RNF39: variants seen among roughly 807,000 people sequenced by gnomAD.
RNF39 encodes the protein ring finger protein 39, also known as LTP (long-term potentiation) induced RING finger protein.
In RNF39, 25 loss-of-function variants were observed where a neutral mutation model predicts 29.2. That is an observed-to-expected ratio of 0.86 (90% CI 0.62 to 1.20). RNF39 has a LOEUF of 1.20. RNF39 is among the 50% of genes most tolerant of loss of function. RNF39 has a pLI of 0.00. For missense variants in RNF39, 519 were observed against 515.0 expected (o/e 1.01, Z -0.08); for synonymous variants, 219 against 229.0 (o/e 0.96, Z 0.40).
chr6:30,073,383 G>T lies in RNF39; in HGVS notation c.386+73C>A, dbSNP rs141338325. The T allele has an allele frequency of 3.3e-4, 525 of 1,595,894 alleles. 1 individual carries two copies. Among genetic ancestry groups the T allele is most frequent in the African/African-American group, 2.0e-3 (150 of 74,624 alleles). On this transcript the variant is annotated intron_variant, in intron 2 of 3. Coordinates refer to ENST00000244360, the MANE Select transcript of RNF39 (RefSeq NM_025236.4). ...AACCTGCCTATTAATGGGAACAAAG[G>T]TGTGGGCCCAGTGAGAACGTGATGG...
rs563902274 is a variant in RNF39 at position 30,072,588 on chromosome 6, G to C, written c.478+569C>G. ...ATCTGTTGTTTGAATGTATGAAAAA[G>C]GAAGAGGGAAAATGGCTGGAATATG... On this transcript the variant is annotated intron_variant, in intron 3 of 3. Transcript: ENST00000244360. This position sits in a 1 kb window ranked among gnomAD's most constrained non-coding sequence, Gnocchi z 4.5. Among the ~76,000 whole-genome samples the C allele has an allele frequency of 6.6e-6, 1 of 152,178 alleles. No homozygotes were observed. The highest frequency in any genetic ancestry group is 1.9e-4 in the East Asian group (1 of 5,176).
Position 30,071,362 on chromosome 6 carries a change from C to CCACGGCCCA in RNF39, c.799_807dup (p.Trp267_Val269dup). 6.8e-7 allele frequency: 1 copy of CCACGGCCCA among 1,466,820 alleles called. No individual in the cohort carries two copies. The highest frequency in any genetic ancestry group is 8.9e-7 in the Non-Finnish European group (1 of 1,117,510). The allele number at this position is 1,466,820 out of a possible 1,614,324, so 90.9% of individuals were successfully genotyped here. On this transcript the variant is annotated inframe_insertion, in exon 4 of 4. Coordinates refer to ENST00000244360, the MANE Select transcript of RNF39 (RefSeq NM_025236.4). The surrounding 1 kb of genome is among the most constrained non-coding windows in gnomAD (Gnocchi z 5.0). ...GCCCACAGGCGGCCGCCGCGGCCCT[C>CCACGGCCCA]CACGGCCCACACGGCCCCCGCAGGG...
Position 30,071,965 on chromosome 6 carries a change from AAAT to A in RNF39, c.479-277_479-275del, listed in dbSNP as rs1766026539. On this transcript the variant is annotated intron_variant, in intron 3 of 3. Coordinates refer to ENST00000244360, the MANE Select transcript of RNF39 (RefSeq NM_025236.4). This position sits in a 1 kb window ranked among gnomAD's most constrained non-coding sequence, Gnocchi z 5.0. ...GTGCAGGGAGCACAGCAGGAAGATCAAATGAGAGGTTGTCTCGTTTGTGGGGTT... is the reference window on the plus strand; with the variant it reads ...GTGCAGGGAGCACAGCAGGAAGATCAGAGAGGTTGTCTCGTTTGTGGGGTT... Among the ~76,000 whole-genome samples the A allele has an allele frequency of 6.6e-6, 1 of 152,204 alleles. No homozygotes were observed. Among genetic ancestry groups the A allele is most frequent in the Admixed American group, 6.5e-5 (1 of 15,282 alleles).
chr6:30,071,187 A>C lies in RNF39; in HGVS notation c.983T>G (p.Leu328Arg). The stretch of plus-strand genomic sequence containing the variant: ...GAACAGCGGGAAGATGCGCTCCCCC[A>C]GGGGGCCAGGCGCCTGGAAGGCGTA... ...LLYAFQAPGP[L>R]GERIFPLFCT... The change falls in exon 4 of 4, where the codon CTG becomes CGG. Residue 328 changes from leucine (L) to arginine (R), a missense_variant. Transcript: ENST00000244360. The surrounding 1 kb of genome is among the most constrained non-coding windows in gnomAD (Gnocchi z 5.0). 1.3e-6 allele frequency: 2 copies of C among 1,521,656 alleles called. No homozygotes were observed. Among genetic ancestry groups the C allele is most frequent in the African/African-American group, 1.4e-5 (1 of 72,058 alleles). 94.3% of individuals were successfully genotyped at this position (1,521,656 alleles called of 1,614,324 possible). A position where few individuals can be genotyped will look rare whatever the true frequency, so the allele number is the denominator to read the frequency against.
rs571062694 is a variant in RNF39 at position 30,071,557 on chromosome 6, C to G, written c.613G>C (p.Val205Leu). The stretch of plus-strand genomic sequence containing the variant: ...GCCCCGAAGCCCTGCGCACCCAGCA[C>G]AGCTGGGAGCTGATCGAAGCGCTTG... ...GPKRFDQLPA[V>L]LGAQGFGAGR... The change falls in exon 4 of 4, where the codon GTG becomes CTG. Residue 205 changes from valine to leucine, a missense_variant. By Grantham distance (32) the Val-to-Leu change is conservative. Transcript: ENST00000244360. The surrounding 1 kb of genome is among the most constrained non-coding windows in gnomAD (Gnocchi z 5.0). 3.3e-6 allele frequency: 5 copies of G among 1,505,248 alleles called. 1 individual carries two copies. In the South Asian group the frequency reaches 3.8e-5, roughly 11 times the overall value. The allele number at this position is 1,505,248 out of a possible 1,614,324, so 93.2% of individuals were successfully genotyped here. A position where few individuals can be genotyped will look rare whatever the true frequency, so the allele number is the denominator to read the frequency against.
rs762180592 is a variant in RNF39 at position 30,071,204 on chromosome 6, G to C, written c.966C>G (p.Phe322Leu). 5 of 1,519,190 alleles carry C rather than the reference G, an allele frequency of 3.3e-6. No individual in the cohort carries two copies. The highest frequency in any genetic ancestry group is 4.4e-6 in the Non-Finnish European group (5 of 1,137,042). 94.1% of individuals were successfully genotyped at this position (1,519,190 alleles called of 1,614,324 possible). Residue 322 changes from phenylalanine (F) to leucine (L), a missense_variant, in exon 4 of 4, where the codon TTC (phenylalanine) becomes TTG (leucine). Phe to Leu is a conservative substitution (Grantham distance 22). Transcript: ENST00000244360. This position sits in a 1 kb window ranked among gnomAD's most constrained non-coding sequence, Gnocchi z 5.0. ...DGRSLDLLYA[F>L]QAPGPLGERI... ...GCTCCCCCAGGGGGCCAGGCGCCTGGAAGGCGTAAAGCAGGTCGAGTGAGC... is the reference window on the plus strand; with the variant it reads ...GCTCCCCCAGGGGGCCAGGCGCCTGCAAGGCGTAAAGCAGGTCGAGTGAGC...
At chr6:30,073,429 A>G in intron 2 of RNF39, 27 bp downstream of exon 2, 1 of 1,614,078 alleles carries the variant, frequency 6.2e-7, no homozygotes, top group Non-Finnish European at 8.5e-7. Flanking sequence ...TGGTGAGAAA[A>G]GGAGGGAACA....
Position 30,075,233 on chromosome 6 carries a change from A to T in RNF39, c.353T>A (p.Leu118Gln). The change falls in exon 1 of 4, where the codon CTG becomes CAG. Residue 118 changes from leucine to glutamine, a missense_variant. By Grantham distance (113) the Leu-to-Gln change is moderately radical (BLOSUM62 -2). Coordinates refer to ENST00000244360, the MANE Select transcript of RNF39 (RefSeq NM_025236.4). ...CGCGCCCAGCCTCACCTCTCCGGGC[A>T]GGTCCAGGCAGCCCATGGTGGGGAT... ...GRIPTMGCLD[L>Q]PGEDMRKTWR... 1 of 1,591,940 alleles carries T rather than the reference A, an allele frequency of 6.3e-7. No individual in the cohort carries two copies. Among genetic ancestry groups the T allele is most frequent in the Non-Finnish European group, 8.5e-7 (1 of 1,175,048 alleles).
In RNF39 at chr6:30,071,546, C is replaced by T; in HGVS notation, c.624G>A (p.Ala208=). The T allele has an allele frequency of 1.3e-6, 2 of 1,519,334 alleles. No individual in the cohort carries two copies. Among genetic ancestry groups the T allele is most frequent in the East Asian group, 2.5e-5 (1 of 39,958 alleles). 94.1% of individuals were successfully genotyped at this position (1,519,334 alleles called of 1,614,324 possible). A position where few individuals can be genotyped will look rare whatever the true frequency, so the allele number is the denominator to read the frequency against. ...RFDQLPAVLG[A]QGFGAGRHCW... ...AGTGGCGGCCGGCCCCGAAGCCCTG[C>T]GCACCCAGCACAGCTGGGAGCTGAT... Residue 208 remains alanine (A), a synonymous_variant, in exon 4 of 4, where the codon GCG becomes GCA. Coordinates refer to ENST00000244360, the MANE Select transcript of RNF39 (RefSeq NM_025236.4). The surrounding 1 kb of genome is among the most constrained non-coding windows in gnomAD (Gnocchi z 5.0).
At position 30,071,350 on chromosome 6, in the gene RNF39, C is replaced by A; in HGVS notation, c.820G>T (p.Gly274Cys). 2.7e-6 allele frequency: 4 copies of A among 1,458,006 alleles called. No individual in the cohort carries two copies. The South Asian group carries it at 4.3e-5, about 16-fold the overall frequency. The allele number at this position is 1,458,006 out of a possible 1,614,324, so 90.3% of individuals were successfully genotyped here. The change falls in exon 4 of 4, where the codon GGC (glycine) becomes TGC (cysteine). Residue 274 changes from glycine (G) to cysteine (C), a missense_variant. Coordinates refer to ENST00000244360, the MANE Select transcript of RNF39 (RefSeq NM_025236.4). The surrounding 1 kb of genome is among the most constrained non-coding windows in gnomAD (Gnocchi z 5.0). ...GAVWAVEGRG[G>C]RLWALTAPEP... ...GGTGCCGTGAGGGCCCACAGGCGGC[C>A]GCCGCGGCCCTCCACGGCCCACACG...
chr6:30,071,213 A>G lies in RNF39; in HGVS notation c.957T>C (p.Leu319=), dbSNP rs542170615. 20 of 1,515,986 alleles carry G rather than the reference A, an allele frequency of 1.3e-5. No homozygotes were observed. The African/African-American group carries it at 2.2e-4, about 17-fold the overall frequency. The allele number at this position is 1,515,986 out of a possible 1,614,324, so 93.9% of individuals were successfully genotyped here. A position where few individuals can be genotyped will look rare whatever the true frequency, so the allele number is the denominator to read the frequency against. The change falls in exon 4 of 4, where the codon CTT becomes CTC. Residue 319 remains leucine (L), a synonymous_variant. Transcript: ENST00000244360. This position sits in a 1 kb window ranked among gnomAD's most constrained non-coding sequence, Gnocchi z 5.0. ...AFYDGRSLDL[L]YAFQAPGPLG... ...GGGGGCCAGGCGCCTGGAAGGCGTAAAGCAGGTCGAGTGAGCGGCCGTCGT... is the reference window on the plus strand; with the variant it reads ...GGGGGCCAGGCGCCTGGAAGGCGTAGAGCAGGTCGAGTGAGCGGCCGTCGT...
chr6:30,075,107 C>T (rs891156342), intron 1 of RNF39, 116 bp downstream of exon 1: 3 of 1,117,568 alleles, frequency 2.7e-6, no homozygotes, highest in African/African-American at 1.6e-5. Context: ...TTTCTCTCCC[C>T]ACCCCATCCT....
rs562168104 is a variant in RNF39 at position 30,070,882 on chromosome 6, A to G, written c.*229T>C. The G allele has an allele frequency of 1.9e-5, 13 of 700,168 alleles. No homozygotes were observed. In the East Asian group the frequency reaches 3.0e-4, roughly 16 times the overall value. 43.4% of individuals were successfully genotyped at this position (700,168 alleles called of 1,614,324 possible). ...GGAAGTACTGTAGTAGCTGTAGGGG[A>G]GAGAAGATTCTGAGAGCCAGAAGGC... On this transcript the variant is annotated 3_prime_UTR_variant, in exon 4 of 4. Coordinates refer to ENST00000244360, the MANE Select transcript of RNF39 (RefSeq NM_025236.4).
chr6:30,071,085 GC>G lies in RNF39; in HGVS notation c.*25del. On this transcript the variant is annotated 3_prime_UTR_variant, in exon 4 of 4. Coordinates refer to ENST00000244360, the MANE Select transcript of RNF39 (RefSeq NM_025236.4). The surrounding 1 kb of genome is among the most constrained non-coding windows in gnomAD (Gnocchi z 5.0). Reference sequence around the variant, plus strand: ...AAGCAGCTGCAGGGCCAGTGGCCGGGCCAAACTTCTAGTTGGAGACGAGACT... The same window carrying G: ...AAGCAGCTGCAGGGCCAGTGGCCGGGCAAACTTCTAGTTGGAGACGAGACT... 6.5e-7 allele frequency: 1 copy of G among 1,537,724 alleles called. No individual in the cohort carries two copies. Among genetic ancestry groups the G allele is most frequent in the Non-Finnish European group, 8.8e-7 (1 of 1,135,092 alleles).
Position 30,071,202 on chromosome 6 carries a change from T to C in RNF39, c.968A>G (p.Gln323Arg). 4.6e-6 allele frequency: 7 copies of C among 1,518,486 alleles called. No homozygotes were observed. The highest frequency in any genetic ancestry group is 6.2e-6 in the Non-Finnish European group (7 of 1,136,530). The allele number at this position is 1,518,486 out of a possible 1,614,324, so 94.1% of individuals were successfully genotyped here. A position where few individuals can be genotyped will look rare whatever the true frequency, so the allele number is the denominator to read the frequency against. Residue 323 changes from glutamine to arginine, a missense_variant, in exon 4 of 4, where the codon CAG becomes CGG. Physicochemically the swap from Gln to Arg is conservative, Grantham distance 43. Transcript: ENST00000244360. This position sits in a 1 kb window ranked among gnomAD's most constrained non-coding sequence, Gnocchi z 5.0. Reference protein sequence around the residue: ...GRSLDLLYAFQAPGPLGERIF... With the variant: ...GRSLDLLYAFRAPGPLGERIF... ...GCGCTCCCCCAGGGGGCCAGGCGCCTGGAAGGCGTAAAGCAGGTCGAGTGA... is the reference window on the plus strand; with the variant it reads ...GCGCTCCCCCAGGGGGCCAGGCGCCCGGAAGGCGTAAAGCAGGTCGAGTGA...
At chr6:30,075,152 C>A in intron 1 of RNF39, 71 bp downstream of exon 1, 1 of 1,442,364 alleles carries the variant, frequency 6.9e-7, no homozygotes, top group South Asian at 1.3e-5. Context: ...CGGCTCCAGA[C>A]GTGCCATTCC....
At chr6:30,073,839 CTCTG>C (rs1420052784) in intron 1 of RNF39, among the ~76,000 whole-genome samples, 1 of 152,156 alleles carries the variant, frequency 6.6e-6, no homozygotes, top group Non-Finnish European at 1.5e-5. Context: ...CAGTCCCATT[CTCTG>C]TCTCTTTCAG....
At position 30,071,480 on chromosome 6, in the gene RNF39, G is replaced by A; in HGVS notation, c.690C>T (p.Asp230=). ...CGTCGTCCGCATCCTCCCCAGAAGA[G>A]TCTCTGCAGGAGGCGGCGTCCGCAG... ...VETADAASCR[D]SSGEDADDEE... The change falls in exon 4 of 4, where the codon GAC becomes GAT. Residue 230 remains aspartate, a synonymous_variant. Transcript: ENST00000244360. This position sits in a 1 kb window ranked among gnomAD's most constrained non-coding sequence, Gnocchi z 5.0. 1 of 1,566,550 alleles carries A rather than the reference G, an allele frequency of 6.4e-7. No homozygotes were observed. The highest frequency in any genetic ancestry group is 8.6e-7 in the Non-Finnish European group (1 of 1,161,676).
rs9261294 is a variant in RNF39 at position 30,071,864 on chromosome 6, A to G, written c.479-173T>C. 0.17 allele frequency among the ~76,000 whole-genome samples: 25,910 copies of G among 152,088 alleles called. 2,727 individuals carry two copies. Among genetic ancestry groups the G allele is most frequent in the African/African-American group, 0.27 (11,359 of 41,422 alleles). On this transcript the variant is annotated intron_variant, in intron 3 of 3. Coordinates refer to ENST00000244360, the MANE Select transcript of RNF39 (RefSeq NM_025236.4). The surrounding 1 kb of genome is among the most constrained non-coding windows in gnomAD (Gnocchi z 5.0). The stretch of plus-strand genomic sequence containing the variant: ...AAGAAGGAAGGCATATGAAGAGCAG[A>G]CCTGGGCAATATCAGACCTTGTACT...
Sources: allele counts gnomAD v4.1 joint callset (sites outside exome capture counted in the v4.1 genomes callset), GRCh38; gene constraint gnomAD v4.1.1; non-coding constraint Gnocchi (gnomAD v3.1); transcripts MANE v1.5; gene names NCBI Gene and HGNC (gene_info 2026-07-23, HGNC 2026-07-21).